The following PPP2R5C variants were observed in gnomAD, a reference collection of about 807,000 sequenced individuals.
PPP2R5C encodes the protein protein phosphatase 2 regulatory subunit B'gamma.
Under a neutral mutation model 68.9 loss-of-function variants are expected in PPP2R5C, and 7 were observed. The ratio of observed to expected loss-of-function variants is 0.10; its 90% CI spans 0.06 to 0.19. PPP2R5C has a LOEUF of 0.19. PPP2R5C is among the 10% of genes least tolerant of loss of function. PPP2R5C has a pLI of 1.00. For missense variants in PPP2R5C, 348 were observed against 641.3 expected, an observed-to-expected ratio of 0.54 and a Z score of 4.94; for synonymous variants, 210 against 222.2, an observed-to-expected ratio of 0.95 and a Z score of 0.49.
chr14:101,912,693 G>T (rs1446441873), intron 12 of PPP2R5C: 1 of 1,003,360 alleles, frequency 1.0e-6, no homozygotes, highest in African/African-American at 1.7e-5. Context: ...TTTTTCCTCT[G>T]CTTTTTAAAT....
chr14:101,887,302 T>A (rs1158943047), intron 5 of PPP2R5C, among the ~76,000 whole-genome samples: 1 of 152,158 alleles, frequency 6.6e-6, no homozygotes, highest in East Asian at 1.9e-4. Context: ...TCATGCTCTA[T>A]CCTCACCCTG....
intron 1 of PPP2R5C, among the ~76,000 whole-genome samples, chr14:101,846,669 A>G (rs1343383372): frequency 6.6e-6 from 1 of 152,226 alleles, no homozygotes; most frequent in Non-Finnish European, 1.5e-5. Context: ...CCTTGTTACC[A>G]AAAATGAGGG....
At chr14:101,836,910 A>G (rs973892637) in intron 1 of PPP2R5C, among the ~76,000 whole-genome samples, 1 of 152,254 alleles carries the variant, frequency 6.6e-6, no homozygotes, top group Non-Finnish European at 1.5e-5. Flanking sequence ...TGATATAACT[A>G]CCATGAATTT....
At chr14:101,809,836 G>C (rs1031214086), upstream of PPP2R5C, 9 of 1,470,686 alleles carry the variant, frequency 6.1e-6, no homozygotes, top group African/African-American at 1.0e-4. Flanking sequence ...GAACCAGCCA[G>C]TTCCCTCCAG....
At chr14:101,878,621 G>A (rs547232240) in intron 2 of PPP2R5C, among the ~76,000 whole-genome samples, 3 of 152,276 alleles carry the variant, frequency 2.0e-5, no homozygotes, top group South Asian at 2.1e-4. Flanking sequence ...TGAGTCCAGC[G>A]GGCAGGTCTG....
intron 3 of PPP2R5C, 137 bp downstream of exon 3, chr14:101,786,320 T>A (rs1344033786): frequency 2.8e-6 from 2 of 715,944 alleles, no homozygotes; most frequent in Admixed American, 3.7e-5. Flanking sequence ...GGGGTTTTTT[T>A]TTTTTTAGGT....
rs577762113 is a variant in PPP2R5C at position 101,835,451 on chromosome 14, G to A, written c.95-21235G>A. 8.5e-5 allele frequency among the ~76,000 whole-genome samples: 13 copies of A among 152,320 alleles called. No individual in the cohort carries two copies. The South Asian group carries it at 2.5e-3, about 29-fold the overall frequency. Reference sequence around the variant, plus strand: ...ATTTGGTTGGTGATCATGTTATCAAGTCAGACTTGCAGTTAAGGTAGTGTC... The same window carrying A: ...ATTTGGTTGGTGATCATGTTATCAAATCAGACTTGCAGTTAAGGTAGTGTC... On this transcript the variant is annotated intron_variant, in intron 1 of 13. Coordinates refer to ENST00000334743, the Ensembl canonical transcript of PPP2R5C. The surrounding 1 kb of genome is among the most constrained non-coding windows in gnomAD (Gnocchi z 5.0).
rs2038645605 is a variant in PPP2R5C, at chr14:101,797,060, A to G, written c.259+10877A>G. Among the ~76,000 whole-genome samples the G allele has an allele frequency of 6.6e-6, 1 of 152,152 alleles. No individual in the cohort carries two copies. Among genetic ancestry groups the G allele is most frequent in the African/African-American group, 2.4e-5 (1 of 41,424 alleles). ...TACCCAAAACTTTTCATCATCCCCAACAAAAACTCCATTAAACAGTAAGTG... is the reference window on the plus strand; with the variant it reads ...TACCCAAAACTTTTCATCATCCCCAGCAAAAACTCCATTAAACAGTAAGTG... On this transcript the variant is annotated intron_variant, in intron 3 of 14. Transcript: ENST00000328724. The surrounding 1 kb of genome is among the most constrained non-coding windows in gnomAD (Gnocchi z 4.2).
At chr14:101,902,508 T>G (rs1242739170) in intron 9 of PPP2R5C, among the ~76,000 whole-genome samples, 1 of 151,986 alleles carries the variant, frequency 6.6e-6, no homozygotes, top group East Asian at 1.9e-4. Context: ...CACCTGTCCT[T>G]TTGCATCATT....
chr14:101,881,953 G>A (rs540554293), intron 2 of PPP2R5C, among the ~76,000 whole-genome samples: 12 of 152,148 alleles, frequency 7.9e-5, no homozygotes, highest in South Asian at 2.1e-4. Flanking sequence ...GTCAACTTGC[G>A]TGCGCACCTG....
At chr14:101,869,579 A>G (rs2043267318) in intron 2 of PPP2R5C, among the ~76,000 whole-genome samples, 1 of 152,074 alleles carries the variant, frequency 6.6e-6, no homozygotes. Context: ...TATCTTTGTC[A>G]ATATTTGGTG....
At chr14:101,819,173 GT>G in intron 1 of PPP2R5C, 3 of 1,258,542 alleles carry the variant, frequency 2.4e-6, no homozygotes, top group South Asian at 1.3e-5. Context: ...GTCGGTTTTG[GT>G]TTTTTTCCCA....
exon 14 of PPP2R5C, chr14:101,925,567 G>A (rs1161545968): frequency 4.0e-6 from 1 of 249,716 alleles, no homozygotes; most frequent in African/African-American, 2.2e-5. Flanking sequence ...AAAGCACCCT[G>A]CCCTTCATCT....
At chr14:101,760,600 G>A (rs952931373), upstream of PPP2R5C, 20 of 745,070 alleles carry the variant, frequency 2.7e-5, no homozygotes, top group South Asian at 1.2e-4. Flanking sequence ...GGACCAACCA[G>A]GAAAGGACGG....
intron 5 of PPP2R5C, among the ~76,000 whole-genome samples, chr14:101,884,798 G>C (rs1181259364): frequency 6.6e-6 from 1 of 152,234 alleles, no homozygotes; most frequent in African/African-American, 2.4e-5. Flanking sequence ...GGCTCTGCCT[G>C]ACTTGGCGGT....
At chr14:101,908,361 A>G (rs1353284627) in intron 10 of PPP2R5C, among the ~76,000 whole-genome samples, 4 of 152,062 alleles carry the variant, frequency 2.6e-5, no homozygotes, top group African/African-American at 9.7e-5. Flanking sequence ...TCTTTGTAGC[A>G]TTGATTTATT....
At chr14:101,831,831 C>T (rs994001328) in intron 1 of PPP2R5C, 11 of 690,956 alleles carry the variant, frequency 1.6e-5, no homozygotes, top group Non-Finnish European at 2.9e-5. Flanking sequence ...TAGAAGCAAT[C>T]CCCAACATGG....
At chr14:101,808,291 T>A (rs2039158282), upstream of PPP2R5C, among the ~76,000 whole-genome samples, 1 of 151,756 alleles carries the variant, frequency 6.6e-6, no homozygotes, top group Non-Finnish European at 1.5e-5. Flanking sequence ...AAAAAAAAAA[T>A]TAATTCTGCT....
chr14:101,925,222 T>C lies in PPP2R5C; in HGVS notation c.1525T>C (p.Leu509=), dbSNP rs750867804. The C allele has an allele frequency of 1.6e-5, 26 of 1,613,766 alleles. No individual in the cohort carries two copies. The South Asian group carries it at 2.5e-4, about 16-fold the overall frequency. Residue 509 remains leucine, a synonymous_variant, in exon 14 of 14, where the codon TTG becomes CTG. Coordinates refer to ENST00000334743, the Ensembl canonical transcript of PPP2R5C. ...TCAGGACCCCCACACCAAGAAAGCC[T>C]TGGAAGCTCACTGCAGGGCCGATGA...
Sources: gnomAD v4.1 joint callset for allele counts (sites outside exome capture counted in the v4.1 genomes callset) on GRCh38, gnomAD v4.1.1 for gene constraint, Gnocchi (gnomAD v3.1) non-coding constraint, MANE v1.5 for transcripts, NCBI Gene and HGNC (gene_info 2026-07-23, HGNC 2026-07-21) for gene names.